Variants in ARMC9 observed in about 807,000 individuals in gnomAD.
The protein encoded by ARMC9 is armadillo repeat containing 9, also known as lisH domain-containing protein ARMC9.
ARMC9 carries 94 observed loss-of-function variants against 107.0 expected under a neutral mutation model. The observed-to-expected ratio is 0.88, with a 90% CI of 0.74 to 1.04. The LOEUF (loss-of-function observed/expected upper bound fraction) is 1.04, where lower values mean the gene tolerates loss of function less well. ARMC9 is among the 50% of genes least tolerant of loss of function. The pLI is 0.00. For missense variants in ARMC9, 942 were observed against 1,030.1 expected (o/e 0.91, Z 1.17); for synonymous variants, 380 against 396.9 (o/e 0.96, Z 0.51).
At chr2:231,256,457 AC>A in intron 9 of ARMC9, 128 bp from the exon 10 acceptor site, 57 of 1,232,166 alleles carry the variant, frequency 4.6e-5, no homozygotes, top group Non-Finnish European at 6.0e-5. Flanking sequence ...AAAAAAAAAA[AC>A]CAAAAAAAAA....
At position 231,355,818 on chromosome 2, in the gene ARMC9, C is replaced by T; in HGVS notation, c.2015C>T (p.Pro672Leu). 6.5e-7 allele frequency: 1 copy of T among 1,535,618 alleles called. No individual in the cohort carries two copies. The highest frequency in any genetic ancestry group is 8.7e-7 in the Non-Finnish European group (1 of 1,146,528). The stretch of plus-strand genomic sequence containing the variant: ...TCCAGGGTGGAAGACCAACACACAC[C>T]TCCCCAGACAGCCCAGCACGCCAGA... ...GYPVVEDQHT[P>L]PQTAQHARNG... Residue 672 changes from proline (P) to leucine (L), a missense_variant, in exon 22 of 25, where the codon CCT becomes CTT. Pro to Leu is a moderately conservative substitution (Grantham distance 98). Transcript: ENST00000611582.
At chr2:231,240,167 C>A in intron 9 of ARMC9, 126 bp downstream of exon 9, 1 of 772,336 alleles carries the variant, frequency 1.3e-6, no homozygotes. Flanking sequence ...CTTTTGAAGT[C>A]TAGAAACTCC....
intron 3 of ARMC9, among the ~76,000 whole-genome samples, chr2:231,210,103 T>A (rs931683078): frequency 6.6e-6 from 1 of 152,258 alleles, no homozygotes; most frequent in African/African-American, 2.4e-5. Flanking sequence ...GGTTTTCTCC[T>A]AGTCCTTGAC....
At chr2:231,238,138 C>A (rs574039272) in intron 8 of ARMC9, among the ~76,000 whole-genome samples, 1 of 151,658 alleles carries the variant, frequency 6.6e-6, no homozygotes, top group South Asian at 2.1e-4. Flanking sequence ...TAAATGCAAG[C>A]GGTTCTTTCA....
chr2:231,245,786 A>G (rs148840068), intron 9 of ARMC9, among the ~76,000 whole-genome samples: 161 of 152,254 alleles, frequency 1.1e-3, no homozygotes, highest in African/African-American at 3.7e-3. Flanking sequence ...TTCCCTGCCA[A>G]GAGCAGTTGA....
intron 21 of ARMC9, among the ~76,000 whole-genome samples, chr2:231,348,061 A>G (rs1386339652): frequency 6.6e-6 from 1 of 152,240 alleles, no homozygotes; most frequent in African/African-American, 2.4e-5. Context: ...AAGACAGAAT[A>G]ATGGTCCCTC....
intron 9 of ARMC9, among the ~76,000 whole-genome samples, chr2:231,248,297 C>G (rs1412819238): frequency 6.6e-6 from 1 of 152,154 alleles, no homozygotes; most frequent in Non-Finnish European, 1.5e-5. Context: ...GTCACATTTC[C>G]TAACTGGTCT....
At chr2:231,288,806 A>G (rs1443081930) in intron 17 of ARMC9, 13 of 448,874 alleles carry the variant, frequency 2.9e-5, no homozygotes, top group Middle Eastern at 9.0e-4. Context: ...CCTGTGCTGC[A>G]GTATCACTCC....
rs1449183647 is a variant in ARMC9 at position 231,362,330 on chromosome 2, G to A, written c.2261+1447G>A. On this transcript the variant is annotated intron_variant, in intron 23 of 24. Coordinates refer to ENST00000611582, the MANE Select transcript of ARMC9 (RefSeq NM_001352754.2). This position sits in a 1 kb window ranked among gnomAD's most constrained non-coding sequence, Gnocchi z 4.7. ...CCCAGTCCAGACTGGATCCTCCCCT[G>A]CGGTTCAGCCAGGCCAAACCTACGC... 2.0e-5 allele frequency among the ~76,000 whole-genome samples: 3 copies of A among 152,184 alleles called. No individual in the cohort carries two copies. The highest frequency in any genetic ancestry group is 6.5e-5 in the Admixed American group (1 of 15,280).
At chr2:231,363,883 C>CAAAA (rs1176736980) in intron 23 of ARMC9, among the ~76,000 whole-genome samples, 1 of 16,266 alleles carries the variant, frequency 6.1e-5, no homozygotes, top group Non-Finnish European at 1.3e-4. Context: ...GACTCCGTCT[C>CAAAA]AAAAAAAAAA....
intron 5 of ARMC9, among the ~76,000 whole-genome samples, chr2:231,218,757 G>GTTTT (rs201588911): frequency 2.1e-5 from 3 of 145,016 alleles, no homozygotes; most frequent in African/African-American, 5.0e-5. Flanking sequence ...TCAGTCTTTT[G>GTTTT]TTTTTTTTTT....
At chr2:231,302,639 C>T (rs1360614073) in intron 19 of ARMC9, among the ~76,000 whole-genome samples, 1 of 151,974 alleles carries the variant, frequency 6.6e-6, no homozygotes, top group African/African-American at 2.4e-5. Flanking sequence ...CTCAATATTA[C>T]TTTAAAACCA....
intron 19 of ARMC9, among the ~76,000 whole-genome samples, chr2:231,322,034 G>A (rs1330921693): frequency 6.6e-6 from 1 of 152,234 alleles, no homozygotes; most frequent in East Asian, 1.9e-4. Context: ...GGAAGTAAAG[G>A]TTGTTTGGGT....
At chr2:231,278,831 T>C (rs578128592) in intron 16 of ARMC9, among the ~76,000 whole-genome samples, 11 of 152,328 alleles carry the variant, frequency 7.2e-5, no homozygotes, top group Admixed American at 6.5e-4. Context: ...ACTGTGTATG[T>C]GTGTATTGAA....
intron 23 of ARMC9, among the ~76,000 whole-genome samples, chr2:231,367,238 G>A (rs576118141): frequency 6.6e-6 from 1 of 152,286 alleles, no homozygotes; most frequent in Non-Finnish European, 1.5e-5. Context: ...AAAAGATGGT[G>A]TCCTCTTCCA....
intron 17 of ARMC9, among the ~76,000 whole-genome samples, chr2:231,287,808 T>C (rs138919364): frequency 4.3e-4 from 66 of 152,276 alleles, no homozygotes; most frequent in African/African-American, 1.5e-3. Flanking sequence ...TAATTCTACT[T>C]CTGAAGCTCC....
intron 17 of ARMC9, among the ~76,000 whole-genome samples, chr2:231,286,167 G>A (rs936443318): frequency 1.3e-5 from 2 of 152,140 alleles, no homozygotes; most frequent in Non-Finnish European, 2.9e-5. Context: ...CCAGGCTGGA[G>A]TGCAGTGGTG....
chr2:231,351,364 C>T (rs1258642647), intron 21 of ARMC9, among the ~76,000 whole-genome samples: 1 of 152,112 alleles, frequency 6.6e-6, no homozygotes, highest in Admixed American at 6.5e-5. Flanking sequence ...ATTCCCCACC[C>T]TGTACTCGCT....
At chr2:231,369,293 T>C (rs114175386) in intron 23 of ARMC9, among the ~76,000 whole-genome samples, 6 of 152,028 alleles carry the variant, frequency 3.9e-5, no homozygotes, top group African/African-American at 1.2e-4. Flanking sequence ...TTTTTCTTTT[T>C]TTTTATTTTA....
Sources: gnomAD v4.1 joint callset for allele counts (sites outside exome capture counted in the v4.1 genomes callset) on GRCh38, gnomAD v4.1.1 for gene constraint, Gnocchi (gnomAD v3.1) non-coding constraint, MANE v1.5 for transcripts, NCBI Gene and HGNC (gene_info 2026-07-23, HGNC 2026-07-21) for gene names.